The following CCDC7 variants were observed in gnomAD, a reference collection of about 807,000 sequenced individuals.
CCDC7 encodes the protein coiled-coil domain containing 7.
A neutral mutation model predicts 196.9 loss-of-function variants in CCDC7; 183 were observed. That is an observed-to-expected ratio of 0.93 (90% CI 0.82 to 1.05). The LOEUF is 1.05. Ranked by LOEUF, CCDC7 falls within the 50% of genes least tolerant of loss-of-function variation. CCDC7 has a pLI of 0.00. For synonymous variants in CCDC7, 525 were observed against 484.6 expected, an observed-to-expected ratio of 1.08 and a Z score of -1.10; for missense variants, 1,540 against 1,482.2, an observed-to-expected ratio of 1.04 and a Z score of -0.64.
At chr10:32,726,695 G>T in intron 25 of CCDC7, 39 bp from the exon 27 acceptor site, 3 of 1,175,012 alleles carry the variant, frequency 2.6e-6, no homozygotes, top group Non-Finnish European at 2.5e-6. Context: ...TTTTCATTTA[G>T]CGGACTAAAT....
In CCDC7 at chr10:32,824,504, T is replaced by C. The variant is rs778275963; in HGVS notation, c.3182-14T>C. The stretch of plus-strand genomic sequence containing the variant: ...ATTAAAAAAGTGTTTTGAAATCTGT[T>C]TACTTTTTTATAGAGACTGATGAAC... On this transcript the variant is annotated splice_polypyrimidine_tract_variant and intron_variant, in intron 31 of 41. Coordinates refer to ENST00000639629, the Ensembl canonical transcript of CCDC7. 1.9e-6 allele frequency: 3 copies of C among 1,570,768 alleles called. No homozygotes were observed. In the Admixed American group the frequency reaches 5.2e-5, roughly 27 times the overall value.
chr10:32,614,234 G>GT (rs549179408), intron 18 of CCDC7, among the ~76,000 whole-genome samples: 2,241 of 143,066 alleles, frequency 0.016, 62 homozygotes, highest in African/African-American at 0.052. Context: ...GCAACCCCTG[G>GT]TTTTTTTTTT....
intron 28 of CCDC7, among the ~76,000 whole-genome samples, chr10:32,759,672 A>T (rs1433894352): frequency 2.0e-5 from 3 of 152,236 alleles, no homozygotes; most frequent in African/African-American, 7.2e-5. Flanking sequence ...ACCTTTCAGG[A>T]CATAGGCATG....
chr10:32,498,549 C>T (rs528893873), intron 9 of CCDC7, among the ~76,000 whole-genome samples: 1 of 151,976 alleles, frequency 6.6e-6, no homozygotes, highest in Admixed American at 6.6e-5. Flanking sequence ...TTAGTGTTTC[C>T]TTTAGGAGCT....
chr10:32,703,781 A>G (rs189996232), intron 24 of CCDC7, among the ~76,000 whole-genome samples: 2 of 152,012 alleles, frequency 1.3e-5, no homozygotes, highest in Non-Finnish European at 2.9e-5. Flanking sequence ...TCCATCACTG[A>G]TACCCTTTCT....
At chr10:32,716,988 A>C (rs1213957832) in intron 25 of CCDC7, among the ~76,000 whole-genome samples, 1 of 152,210 alleles carries the variant, frequency 6.6e-6, no homozygotes, top group African/African-American at 2.4e-5. Flanking sequence ...CAGAAAATTA[A>C]CAAGGATATT....
chr10:32,762,040 G>T (rs2077545365), intron 28 of CCDC7, among the ~76,000 whole-genome samples: 4 of 152,074 alleles, frequency 2.6e-5, no homozygotes, highest in Admixed American at 2.6e-4. Flanking sequence ...CCACATATTG[G>T]GTAGGGAAAG....
chr10:32,658,861 A>T (rs75066979), intron 20 of CCDC7, among the ~76,000 whole-genome samples: 2 of 152,074 alleles, frequency 1.3e-5, no homozygotes, highest in African/African-American at 4.8e-5. Flanking sequence ...AATAGTCATA[A>T]TTTTTTGTAT....
chr10:32,667,282 T>C (rs999617348), intron 21 of CCDC7, among the ~76,000 whole-genome samples: 3 of 152,218 alleles, frequency 2.0e-5, no homozygotes, highest in African/African-American at 7.2e-5. Context: ...CTTTGTCAGA[T>C]GAGTAGATTG....
At chr10:32,590,008 A>G (rs558720887) in intron 18 of CCDC7, among the ~76,000 whole-genome samples, 2 of 152,226 alleles carry the variant, frequency 1.3e-5, no homozygotes, top group African/African-American at 4.8e-5. Context: ...TTTCAAATCT[A>G]TTCAGCTACT....
intron 9 of CCDC7, chr10:32,511,263 G>GGGGGC: frequency 3.4e-6 from 2 of 591,272 alleles, no homozygotes; most frequent in South Asian, 2.2e-5. Context: ...GTGGGGGGCG[G>GGGGGC]GGGGGGCGGG....
chr10:32,696,855 C>T (rs1225265173), intron 24 of CCDC7, among the ~76,000 whole-genome samples: 1 of 152,054 alleles, frequency 6.6e-6, no homozygotes, highest in Non-Finnish European at 1.5e-5. Context: ...AGGAATTTGA[C>T]ATGTACAGGC....
intron 9 of CCDC7, among the ~76,000 whole-genome samples, chr10:32,505,362 A>G (rs150321795): frequency 0.052 from 7,888 of 151,886 alleles, 664 homozygotes; most frequent in African/African-American, 0.18. Context: ...GGTACTTGAG[A>G]TTAGGGAGTG....
intron 29 of CCDC7, among the ~76,000 whole-genome samples, chr10:32,789,096 CTTTTTT>C (rs35122018): frequency 8.0e-6 from 1 of 124,738 alleles, no homozygotes; most frequent in Non-Finnish European, 1.6e-5. Flanking sequence ...CGGTAAAGGG[CTTTTTT>C]TTTTTTTTTT....
chr10:32,603,585 C>T (rs200530740), intron 18 of CCDC7, among the ~76,000 whole-genome samples: 41 of 142,818 alleles, frequency 2.9e-4, no homozygotes, highest in Non-Finnish European at 3.9e-4. Context: ...TGTGATAGTT[C>T]TTTTTTTTTT....
chr10:32,806,743 A>G (rs1036279359), intron 30 of CCDC7, among the ~76,000 whole-genome samples: 13 of 152,112 alleles, frequency 8.5e-5, no homozygotes, highest in African/African-American at 2.9e-4. Flanking sequence ...TTTTTGAAGA[A>G]TATTTAATGA....
intron 15 of CCDC7, 42 bp from the exon 17 acceptor site, chr10:32,571,817 G>A: frequency 6.7e-7 from 1 of 1,496,600 alleles, no homozygotes; most frequent in Non-Finnish European, 8.9e-7. Context: ...CATTTCATAT[G>A]CATACTTGAT....
chr10:32,548,348 A>G (rs1157785703), intron 13 of CCDC7, among the ~76,000 whole-genome samples: 1 of 152,114 alleles, frequency 6.6e-6, no homozygotes, highest in Non-Finnish European at 1.5e-5. Context: ...CAGAACAGAT[A>G]ATTCAGGTCA....
chr10:32,846,311 C>A, intron 36 of CCDC7, 65 bp from the exon 38 acceptor site: 1 of 930,506 alleles, frequency 1.1e-6, no homozygotes, highest in Non-Finnish European at 1.7e-6. Flanking sequence ...GTTAAACACA[C>A]ACGTATACAC....
Sources: allele counts gnomAD v4.1 joint callset (sites outside exome capture counted in the v4.1 genomes callset), GRCh38; gene constraint gnomAD v4.1.1; transcripts MANE v1.5; gene names NCBI Gene and HGNC (gene_info 2026-07-23, HGNC 2026-07-21).